TDRD5: variants seen among roughly 807,000 people sequenced by gnomAD.
TDRD5 encodes tudor domain-containing protein 5.
In TDRD5, 41 loss-of-function variants were observed where a neutral mutation model predicts 120.6. The ratio of observed to expected loss-of-function variants is 0.34; its 90% CI spans 0.26 to 0.44. TDRD5 has a LOEUF of 0.44. TDRD5 is among the 20% of genes least tolerant of loss of function. The probability of loss-of-function intolerance (pLI) is 1.00; values close to 1 mark genes in which losing one functional copy is unlikely to be tolerated. For missense variants in TDRD5, 1,006 were observed against 1,221.2 expected (o/e 0.82, Z 2.63); for synonymous variants, 430 against 433.7 (o/e 0.99, Z 0.11).
chr1:179,671,505 G>T (rs1679851583), intron 17 of TDRD5, among the ~76,000 whole-genome samples: 2 of 152,110 alleles, frequency 1.3e-5, no homozygotes, highest in Non-Finnish European at 2.9e-5. Context: ...TAGAATGTAA[G>T]TTGTTCAGTT....
chr1:179,628,948 T>TTC (rs1677287888), intron 6 of TDRD5, among the ~76,000 whole-genome samples: 7 of 152,180 alleles, frequency 4.6e-5, no homozygotes, highest in Non-Finnish European at 2.9e-5. Flanking sequence ...TTGTTGTTTT[T>TTC]GCCAATTTAA....
chr1:179,626,102 T>A (rs946051180), intron 6 of TDRD5, among the ~76,000 whole-genome samples: 1 of 151,934 alleles, frequency 6.6e-6, no homozygotes, highest in Non-Finnish European at 1.5e-5. Flanking sequence ...TTGGGAGATA[T>A]ACCTAATGCT....
chr1:179,669,133 G>A, intron 16 of TDRD5, 61 bp from the exon 17 acceptor site: 1 of 1,429,058 alleles, frequency 7.0e-7, no homozygotes. Flanking sequence ...AAGGAAATAG[G>A]GCTTAATTAT....
In TDRD5 at chr1:179,663,506, C is replaced by T. The variant is rs749710599; in HGVS notation, c.2649+15C>T. On this transcript the variant is annotated intron_variant, in intron 16 of 17. Transcript: ENST00000444136. ...GGACTCAAAAGGTAAATGTCTAATGCAGGTTATTGGGACAGGTTTGCATAA... is the reference window on the plus strand; with the variant it reads ...GGACTCAAAAGGTAAATGTCTAATGTAGGTTATTGGGACAGGTTTGCATAA... The T allele has an allele frequency of 6.2e-7, 1 of 1,600,340 alleles. No homozygotes were observed. Among genetic ancestry groups the T allele is most frequent in the African/African-American group, 1.3e-5 (1 of 74,106 alleles).
Position 179,654,292 on chromosome 1 carries a change from G to A in TDRD5, c.2252G>A (p.Cys751Tyr), listed in dbSNP as rs901094754. The A allele has an allele frequency of 1.3e-6, 2 of 1,549,634 alleles. No individual in the cohort carries two copies. The highest frequency in any genetic ancestry group is 2.7e-5 in the African/African-American group (2 of 73,004). Residue 751 changes from cysteine to tyrosine, a missense_variant, in exon 14 of 18, where the codon TGT becomes TAT. Cys to Tyr is a radical substitution (Grantham distance 194). Coordinates refer to ENST00000444136, the MANE Select transcript of TDRD5 (RefSeq NM_001199085.3). Reference protein sequence around the residue: ...KDSEFESLKTCNKSFEEDPKW... With the variant: ...KDSEFESLKTYNKSFEEDPKW... Reference sequence around the variant, plus strand: ...TCTGAATTTGAGTCTTTGAAAACCTGTAATAAGAGCTTTGAAGAAGATCCA... The same window carrying A: ...TCTGAATTTGAGTCTTTGAAAACCTATAATAAGAGCTTTGAAGAAGATCCA...
At chr1:179,643,888 G>C (rs1678193581) in intron 11 of TDRD5, among the ~76,000 whole-genome samples, 1 of 152,046 alleles carries the variant, frequency 6.6e-6, no homozygotes, top group Non-Finnish European at 1.5e-5. Flanking sequence ...ACCATACCTA[G>C]GCACATGATA....
intron 11 of TDRD5, among the ~76,000 whole-genome samples, chr1:179,641,487 G>T (rs1008582229): frequency 6.6e-6 from 1 of 151,622 alleles, no homozygotes; most frequent in Admixed American, 6.6e-5. Context: ...CTGAGATTGC[G>T]CCGCTGCACT....
intron 17 of TDRD5, among the ~76,000 whole-genome samples, chr1:179,685,136 G>T (rs1002444226): frequency 6.6e-6 from 1 of 152,120 alleles, no homozygotes; most frequent in African/African-American, 2.4e-5. Context: ...TGCCCTGAAT[G>T]GTATTGCCTA....
At position 179,666,619 on chromosome 1, in the gene TDRD5, C is replaced by T. The variant is rs1265616599; in HGVS notation, c.2650-2575C>T. On this transcript the variant is annotated intron_variant, in intron 16 of 17. Coordinates refer to ENST00000444136, the MANE Select transcript of TDRD5 (RefSeq NM_001199085.3). ...CCTGTGGTGTCTCCCAGAGTTCTGC[C>T]CTATGCCGTTTTCTTACTCCTTCCC... 5.9e-5 allele frequency among the ~76,000 whole-genome samples: 9 copies of T among 152,226 alleles called. No homozygotes were observed. In the East Asian group the frequency reaches 1.2e-3, roughly 20 times the overall value.
intron 4 of TDRD5, among the ~76,000 whole-genome samples, chr1:179,598,549 T>G (rs1053762080): frequency 2.6e-5 from 4 of 152,230 alleles, no homozygotes; most frequent in African/African-American, 4.8e-5. Flanking sequence ...CAGCAATGTT[T>G]TATAGTTTTC....
At chr1:179,614,470 C>T (rs1442582647) in intron 4 of TDRD5, among the ~76,000 whole-genome samples, 1 of 152,050 alleles carries the variant, frequency 6.6e-6, no homozygotes, top group Admixed American at 6.6e-5. Context: ...CTCAAGTATG[C>T]ACACATCTCT....
Position 179,690,896 on chromosome 1 carries a change from A to G in TDRD5, c.3061A>G (p.Arg1021Gly). The change falls in exon 18 of 18, where the codon AGG becomes GGG. Residue 1021 changes from arginine (R) to glycine (G), a missense_variant. Physicochemically the swap from Arg to Gly is moderately radical, Grantham distance 125. Around this residue, in one of 3 missense-constraint regions of TDRD5, gnomAD observed 403 missense variants for 448.1 expected, o/e 0.90. Coordinates refer to ENST00000444136, the MANE Select transcript of TDRD5 (RefSeq NM_001199085.3). The part of the protein sequence containing the change: ...LGAAARLATS[R>G]SLLHWYPSVK... Reference sequence around the variant, plus strand: ...TGCTGCCGCACGGTTAGCTACATCCAGGAGCCTCCTACACTGGTACCCCAG... The same window carrying G: ...TGCTGCCGCACGGTTAGCTACATCCGGGAGCCTCCTACACTGGTACCCCAG... 1 of 1,613,862 alleles carries G rather than the reference A, an allele frequency of 6.2e-7. No individual in the cohort carries two copies. The highest frequency in any genetic ancestry group is 8.5e-7 in the Non-Finnish European group (1 of 1,179,974).
At chr1:179,664,127 C>T (rs1355222152) in intron 16 of TDRD5, among the ~76,000 whole-genome samples, 1 of 152,080 alleles carries the variant, frequency 6.6e-6, no homozygotes, top group Non-Finnish European at 1.5e-5. Flanking sequence ...GGAAGATGAA[C>T]CTTCTAAGTG....
intron 4 of TDRD5, among the ~76,000 whole-genome samples, chr1:179,597,520 C>G (rs1207900536): frequency 1.3e-5 from 2 of 151,788 alleles, no homozygotes; most frequent in Non-Finnish European, 2.9e-5. Context: ...TTATTAGAGA[C>G]AGGGTTTCAC....
intron 16 of TDRD5, among the ~76,000 whole-genome samples, chr1:179,664,746 T>C (rs1249928033): frequency 2.0e-5 from 3 of 152,170 alleles, no homozygotes; most frequent in South Asian, 2.1e-4. Flanking sequence ...TTGGCTATTA[T>C]GCTGCTAAGA....
chr1:179,624,308 C>CTATTAA (rs1479521350), intron 6 of TDRD5, among the ~76,000 whole-genome samples: 7 of 152,086 alleles, frequency 4.6e-5, no homozygotes, highest in Non-Finnish European at 8.8e-5. Context: ...TTGTGAAAAC[C>CTATTAA]TATTAATATA....
chr1:179,653,960 C>T (rs528166984), intron 13 of TDRD5, among the ~76,000 whole-genome samples: 38 of 152,270 alleles, frequency 2.5e-4, no homozygotes, highest in African/African-American at 9.1e-4. Context: ...GAATCTGTTG[C>T]ATTCATCTTT....
chr1:179,603,917 T>C (rs1375132087), intron 4 of TDRD5, among the ~76,000 whole-genome samples: 5 of 152,190 alleles, frequency 3.3e-5, no homozygotes. Flanking sequence ...GGCTTCCCTC[T>C]TTCTCTAGCT....
At chr1:179,651,651 C>T (rs937468665) in intron 12 of TDRD5, among the ~76,000 whole-genome samples, 13 of 152,168 alleles carry the variant, frequency 8.5e-5, no homozygotes, top group East Asian at 1.9e-4. Context: ...TGGTGGCTCA[C>T]GCCTGTAATC....
Sources: allele counts gnomAD v4.1 joint callset (sites outside exome capture counted in the v4.1 genomes callset), GRCh38; gene constraint gnomAD v4.1.1; regional missense constraint gnomAD v4.1.1; transcripts MANE v1.5; gene names NCBI Gene and HGNC (gene_info 2026-07-23, HGNC 2026-07-21).